The following PPFIA3 variants were observed in gnomAD, a reference collection of about 807,000 sequenced individuals.
PPFIA3 encodes liprin-alpha-3.
A neutral mutation model predicts 145.8 loss-of-function variants in PPFIA3; 26 were observed. The observed-to-expected ratio is 0.18, with a 90% CI of 0.13 to 0.25. The LOEUF is 0.25. Among genes scored for constraint, PPFIA3 ranks in the 10% least tolerant of loss-of-function variants. The pLI, the probability that PPFIA3 is intolerant of heterozygous loss-of-function variation, is 1.00. For missense variants in PPFIA3, 1,008 were observed against 1,587.8 expected, an observed-to-expected ratio of 0.63 and a Z score of 6.21; for synonymous variants, 645 against 661.4, an observed-to-expected ratio of 0.98 and a Z score of 0.38.
At chr19:49,145,919 C>T in intron 21 of PPFIA3, 24 bp from the exon 22 acceptor site, 1 of 1,610,416 alleles carries the variant, frequency 6.2e-7, no homozygotes, top group Non-Finnish European at 8.5e-7. Flanking sequence ...CTCCCACCAT[C>T]CATTAACACT....
rs368958148 is a variant in PPFIA3, at chr19:49,128,363, A to G, written c.241-4A>G. 5.1e-5 allele frequency: 83 copies of G among 1,613,526 alleles called. No homozygotes were observed. The African/African-American group carries it at 1.0e-3, about 20-fold the overall frequency. ...ATGTCCAGATCCTGCCAATGTCTGG[A>G]CAGGAGTTTGCAGCTCTGACGAAGG... On this transcript the variant is annotated splice_polypyrimidine_tract_variant and splice_region_variant and intron_variant, in intron 2 of 29. Coordinates refer to ENST00000334186, the MANE Select transcript of PPFIA3 (RefSeq NM_003660.4). This position sits in a 1 kb window ranked among gnomAD's most constrained non-coding sequence, Gnocchi z 4.1.
chr19:49,131,335 A>ATTT (rs10553520), intron 7 of PPFIA3, among the ~76,000 whole-genome samples: 2 of 108,446 alleles, frequency 1.8e-5, no homozygotes, highest in South Asian at 6.1e-4. Context: ...CACCTGGCTA[A>ATTT]TTTTTTTTTT....
intron 21 of PPFIA3, 86 bp downstream of exon 21, chr19:49,143,090 C>A: frequency 7.0e-7 from 1 of 1,420,670 alleles, no homozygotes; most frequent in East Asian, 2.4e-5. Context: ...GGCCTGCTCA[C>A]TCCCCTGTCC....
chr19:49,145,891 T>A, intron 21 of PPFIA3, 52 bp from the exon 22 acceptor site: 1 of 1,540,744 alleles, frequency 6.5e-7, no homozygotes, highest in Non-Finnish European at 9.0e-7. Context: ...CTCCTTCCTC[T>A]CCCCCACGCG....
rs972490127 is a variant in PPFIA3 at position 49,149,894 on chromosome 19, C to T, written c.3526+176C>T. ...ATGAAATGGATAAATCCCACTCCCCCTTCCCAGGGCGGGAGTGAACTCGCC... is the reference window on the plus strand; with the variant it reads ...ATGAAATGGATAAATCCCACTCCCCTTTCCCAGGGCGGGAGTGAACTCGCC... On this transcript the variant is annotated intron_variant, in intron 28 of 29. Transcript: ENST00000334186. The surrounding 1 kb of genome is among the most constrained non-coding windows in gnomAD (Gnocchi z 5.7). 8 of 1,124,244 alleles carry T rather than the reference C, an allele frequency of 7.1e-6. No individual in the cohort carries two copies. Among genetic ancestry groups the T allele is most frequent in the African/African-American group, 1.6e-5 (1 of 64,018 alleles). The allele number at this position is 1,124,244 out of a possible 1,614,324, so 69.6% of individuals were successfully genotyped here. A position where few individuals can be genotyped will look rare whatever the true frequency, so the allele number is the denominator to read the frequency against.
chr19:49,150,342 C>T lies in PPFIA3; in HGVS notation c.*120C>T, dbSNP rs890901500. Reference sequence around the variant, plus strand: ...CGGGCGGGGGAGCTCGCGCCGAGGACTGGACCATCTGTACAGACCAGCGGG... The same window carrying T: ...CGGGCGGGGGAGCTCGCGCCGAGGATTGGACCATCTGTACAGACCAGCGGG... On this transcript the variant is annotated 3_prime_UTR_variant, in exon 30 of 30. Transcript: ENST00000334186. 1.6e-5 allele frequency: 10 copies of T among 610,300 alleles called. No individual in the cohort carries two copies. Among genetic ancestry groups the T allele is most frequent in the Admixed American group, 6.0e-5 (2 of 33,484 alleles). 37.8% of individuals were successfully genotyped at this position (610,300 alleles called of 1,614,324 possible).
chr19:49,149,213 G>A lies in PPFIA3; in HGVS notation c.3286-44G>A. 6.2e-7 allele frequency: 1 copy of A among 1,613,898 alleles called. No homozygotes were observed. The highest frequency in any genetic ancestry group is 8.5e-7 in the Non-Finnish European group (1 of 1,179,912). ...GGAGCATGCTGGGCGTCCCCACCTC[G>A]CAGACTGCACGCTCCAACCGCCCCC... On this transcript the variant is annotated intron_variant, in intron 26 of 29. Transcript: ENST00000334186. This position sits in a 1 kb window ranked among gnomAD's most constrained non-coding sequence, Gnocchi z 5.7.
At position 49,131,099 on chromosome 19, in the gene PPFIA3, C is replaced by G. The variant is rs150320111; in HGVS notation, c.879+500C>G. On this transcript the variant is annotated intron_variant, in intron 7 of 29. Transcript: ENST00000334186. ...ATGTTGGCCAGGCTAGTCTTGAACT[C>G]TTGATCCGCCCACCTCGGCCTCCCA... Among the ~76,000 whole-genome samples, 347 of 143,390 alleles carry G rather than the reference C, an allele frequency of 2.4e-3. 1 individual carries two copies. The highest frequency in any genetic ancestry group is 7.8e-3 in the African/African-American group (299 of 38,546). The allele number at this position is 143,390 out of a possible 152,430, so 94.1% of individuals were successfully genotyped here.
chr19:49,128,933 C>T lies in PPFIA3; in HGVS notation c.428C>T (p.Pro143Leu), dbSNP rs762464324. The T allele has an allele frequency of 3.1e-6, 5 of 1,613,948 alleles. No homozygotes were observed. The highest frequency in any genetic ancestry group is 4.2e-6 in the Non-Finnish European group (5 of 1,179,926). Residue 143 changes from proline to leucine, a missense_variant, in exon 4 of 30, where the codon CCG becomes CTG. Around this residue, in one of 11 missense-constraint regions of PPFIA3, gnomAD observed 25 missense variants for 85.2 expected, o/e 0.29. Coordinates refer to ENST00000334186, the MANE Select transcript of PPFIA3 (RefSeq NM_003660.4). The surrounding 1 kb of genome is among the most constrained non-coding windows in gnomAD (Gnocchi z 4.1). ...GTGGTGAAGCGCCAGGCCCAGTCCC[C>T]GGGTGGGGTCTCCTCGGAGGTAGAA... ...MTVVKRQAQSPGGVSSEVEVL... is the reference protein window; with the variant it reads ...MTVVKRQAQSLGGVSSEVEVL...
intron 1 of PPFIA3, among the ~76,000 whole-genome samples, chr19:49,122,385 G>T (rs2040946491): frequency 6.6e-6 from 1 of 151,956 alleles, no homozygotes; most frequent in Non-Finnish European, 1.5e-5. Flanking sequence ...CACAGCCTTT[G>T]TTTTTTTCAT....
chr19:49,129,218 A>C (rs1438794408), intron 4 of PPFIA3, among the ~76,000 whole-genome samples, 162 bp from the exon 5 acceptor site: 1 of 152,176 alleles, frequency 6.6e-6, no homozygotes, highest in Non-Finnish European at 1.5e-5. Flanking sequence ...CTAACAGTGG[A>C]TGGGGCAGAT....
At chr19:49,125,786 G>T (rs930324859) in intron 1 of PPFIA3, among the ~76,000 whole-genome samples, 1 of 152,108 alleles carries the variant, frequency 6.6e-6, no homozygotes. Flanking sequence ...GGCTGGAGGC[G>T]CAGGCTCCTG....
chr19:49,147,956 G>A, intron 23 of PPFIA3, 127 bp from the exon 24 acceptor site: 1 of 937,502 alleles, frequency 1.1e-6, no homozygotes. Flanking sequence ...CCTGAGCAGA[G>A]ATTGGTCATT....
rs557523218 is a variant in PPFIA3, at chr19:49,128,255, G to A, written c.241-112G>A. 6.7e-7 allele frequency: 1 copy of A among 1,496,416 alleles called. No individual in the cohort carries two copies. The highest frequency in any genetic ancestry group is 9.2e-7 in the Non-Finnish European group (1 of 1,086,120). 92.7% of individuals were successfully genotyped at this position (1,496,416 alleles called of 1,614,324 possible). ...AATGGGCGGGGCCTGAGTGGCAAGG[G>A]ACAGCGGGACTTAGCAGGGAGGGCG... On this transcript the variant is annotated intron_variant, in intron 2 of 29. Coordinates refer to ENST00000334186, the MANE Select transcript of PPFIA3 (RefSeq NM_003660.4). This position sits in a 1 kb window ranked among gnomAD's most constrained non-coding sequence, Gnocchi z 4.1.
rs143033101 is a variant in PPFIA3, at chr19:49,134,650, C to T, written c.1389C>T (p.Ser463=). 83 of 1,613,790 alleles carry T rather than the reference C, an allele frequency of 5.1e-5. 1 individual carries two copies. In the Middle Eastern group the frequency reaches 1.6e-3, roughly 32 times the overall value. Residue 463 remains serine (S), a synonymous_variant, in exon 12 of 30, where the codon AGC becomes AGT. Transcript: ENST00000334186. ...MGALEEKNSL[S]EEIANMKKLQ... is the part of the protein sequence containing the mutation. The stretch of plus-strand genomic sequence containing the variant: ...CTCTGTCTCCACAGAACTCCCTGAG[C>T]GAGGAGATAGCCAACATGAAGAAGC...
intron 1 of PPFIA3, among the ~76,000 whole-genome samples, chr19:49,126,481 C>G (rs28605919): frequency 0.24 from 36,803 of 151,218 alleles, 5,563 homozygotes; most frequent in African/African-American, 0.42. Flanking sequence ...GAACTCCTGA[C>G]CTCAAGTGAT....
chr19:49,147,233 G>A (rs1180546002), intron 23 of PPFIA3, among the ~76,000 whole-genome samples: 1 of 152,148 alleles, frequency 6.6e-6, no homozygotes, highest in Non-Finnish European at 1.5e-5. Context: ...TTGGACTGCA[G>A]TGAGACAGAG....
chr19:49,121,951 T>G (rs1194420842), intron 1 of PPFIA3, among the ~76,000 whole-genome samples: 1 of 152,022 alleles, frequency 6.6e-6, no homozygotes, highest in East Asian at 1.9e-4. Flanking sequence ...ACATTTCTTG[T>G]CGCACATGTG....
chr19:49,137,628 CAAAAAAAAAAAAA>C (rs3032695), intron 15 of PPFIA3, among the ~76,000 whole-genome samples: 15 of 43,784 alleles, frequency 3.4e-4, no homozygotes, highest in East Asian at 1.9e-3. Context: ...GACTCCGTGT[CAAAAAAAAAAAAA>C]AAAAAAAAAA....
Sources: allele counts gnomAD v4.1 joint callset (sites outside exome capture counted in the v4.1 genomes callset), GRCh38; gene constraint gnomAD v4.1.1; regional missense constraint gnomAD v4.1.1; non-coding constraint Gnocchi (gnomAD v3.1); transcripts MANE v1.5; gene names NCBI Gene and HGNC (gene_info 2026-07-23, HGNC 2026-07-21).